Variants in KLF12 observed in about 807,000 individuals in gnomAD.
KLF12 encodes the protein KLF transcription factor 12, also known as Krueppel-like factor 12.
In KLF12, 9 loss-of-function variants were observed where a neutral mutation model predicts 37.8. That is an observed-to-expected ratio of 0.24 (90% CI 0.14 to 0.42). The LOEUF (loss-of-function observed/expected upper bound fraction) is 0.42, where lower values mean the gene tolerates loss of function less well. Among genes scored for constraint, KLF12 ranks in the 10% least tolerant of loss-of-function variants. The pLI is 1.00. For missense variants in KLF12, 411 were observed against 516.0 expected (o/e 0.80, Z 1.97); for synonymous variants, 208 against 202.1 (o/e 1.03, Z -0.25).
At chr13:73,816,888 T>C (rs967805777) in intron 4 of KLF12, among the ~76,000 whole-genome samples, 2 of 152,210 alleles carry the variant, frequency 1.3e-5, no homozygotes, top group African/African-American at 4.8e-5. Flanking sequence ...CAGTGAGCCA[T>C]TTTAGACTCA....
At chr13:74,018,244 T>C (rs1465239821) in intron 1 of KLF12, among the ~76,000 whole-genome samples, 1 of 152,146 alleles carries the variant, frequency 6.6e-6, no homozygotes, top group Non-Finnish European at 1.5e-5. Flanking sequence ...CACTCACATG[T>C]GGAATCTTAA....
At chr13:74,130,393 G>A (rs1267625223) in intron 1 of KLF12, among the ~76,000 whole-genome samples, 3 of 152,282 alleles carry the variant, frequency 2.0e-5, no homozygotes, top group Admixed American at 1.3e-4. Flanking sequence ...CTTGTAGCCA[G>A]CGCAGTCGCT....
At chr13:74,228,812 C>CT in the KLF12 span, among the ~76,000 whole-genome samples, 2 of 135,266 alleles carry the variant, frequency 1.5e-5, no homozygotes, top group Admixed American at 6.9e-5. Flanking sequence ...ATGTATTTTT[C>CT]TTTAAAAAAA....
intron 6 of KLF12, among the ~76,000 whole-genome samples, chr13:73,730,611 G>A (rs950578032): frequency 1.8e-4 from 28 of 152,214 alleles, no homozygotes; most frequent in African/African-American, 6.0e-4. Context: ...TGGGAGTCAA[G>A]GGAGGGGGTG....
chr13:73,853,262 A>G (rs2138740025), intron 3 of KLF12, among the ~76,000 whole-genome samples: 1 of 152,296 alleles, frequency 6.6e-6, no homozygotes, highest in South Asian at 2.1e-4. Context: ...ACTTCCTAAT[A>G]GTTATATTTT....
At chr13:73,888,608 T>C in intron 3 of KLF12, among the ~76,000 whole-genome samples, 1 of 152,186 alleles carries the variant, frequency 6.6e-6, no homozygotes, top group Non-Finnish European at 1.5e-5. Flanking sequence ...AAAAACAATA[T>C]GGTAAGTAAT....
At chr13:73,765,136 G>C (rs1879827442) in intron 5 of KLF12, 136 bp from the exon 6 acceptor site, 2 of 578,444 alleles carry the variant, frequency 3.5e-6, no homozygotes. Flanking sequence ...ACCCCTCTTA[G>C]TAAATGATGC....
chr13:74,242,223 GA>G, the KLF12 span, among the ~76,000 whole-genome samples: 1 of 152,182 alleles, frequency 6.6e-6, no homozygotes, highest in Non-Finnish European at 1.5e-5. Flanking sequence ...ACATGTCCCT[GA>G]ATTTTCTTTG....
intron 1 of KLF12, among the ~76,000 whole-genome samples, chr13:74,117,676 T>C (rs1877388156): frequency 6.6e-6 from 1 of 152,152 alleles, no homozygotes; most frequent in Non-Finnish European, 1.5e-5. Flanking sequence ...CTTGTGGATA[T>C]CATGATATGA....
At chr13:74,027,964 C>G (rs1391110284) in intron 1 of KLF12, among the ~76,000 whole-genome samples, 1 of 152,068 alleles carries the variant, frequency 6.6e-6, no homozygotes, top group African/African-American at 2.4e-5. Context: ...TTATTTCTGT[C>G]CCTTGTAAAG....
chr13:74,150,044 T>C, the KLF12 span, among the ~76,000 whole-genome samples: 1 of 152,242 alleles, frequency 6.6e-6, no homozygotes, highest in African/African-American at 2.4e-5. Context: ...TTTCTCTCTG[T>C]ACATTAACAT....
the KLF12 span, among the ~76,000 whole-genome samples, chr13:74,212,259 A>T: frequency 0.032 from 4,825 of 152,300 alleles, 116 homozygotes; most frequent in Middle Eastern, 0.071. Context: ...AATATAATTT[A>T]ATTATATCAT....
intron 3 of KLF12, among the ~76,000 whole-genome samples, chr13:73,867,094 G>A (rs947243337): frequency 6.6e-6 from 1 of 152,024 alleles, no homozygotes; most frequent in Non-Finnish European, 1.5e-5. Context: ...AAAGCATACA[G>A]TGTGATGGTA....
At chr13:74,198,254 C>A in the KLF12 span, among the ~76,000 whole-genome samples, 3 of 152,022 alleles carry the variant, frequency 2.0e-5, no homozygotes, top group Non-Finnish European at 4.4e-5. Context: ...AGGCTAAAAC[C>A]CTGGGGTATG....
upstream of KLF12, among the ~76,000 whole-genome samples, chr13:74,136,447 G>A (rs1437370180): frequency 6.6e-6 from 1 of 152,202 alleles, no homozygotes; most frequent in Non-Finnish European, 1.5e-5. Context: ...GAATCACTGT[G>A]AAGTTTCCCT....
Position 73,688,479 on chromosome 13 carries a change from T to C in KLF12, c.*7011A>G, listed in dbSNP as rs895427268. 6.6e-6 allele frequency: 1 copy of C among 152,158 alleles called. No homozygotes were observed. The highest frequency in any genetic ancestry group is 2.4e-5 in the African/African-American group (1 of 41,444). 9.4% of individuals were successfully genotyped at this position (152,158 alleles called of 1,614,324 possible). ...CATGGGGGTGAAAATTTCAAATGCATCTGAAGCAGATTCTAGAATGTCTAT... is the reference window on the plus strand; with the variant it reads ...CATGGGGGTGAAAATTTCAAATGCACCTGAAGCAGATTCTAGAATGTCTAT... On this transcript the variant is annotated 3_prime_UTR_variant, in exon 8 of 8. Transcript: ENST00000377669.
At chr13:73,781,402 G>T (rs960788792) in intron 5 of KLF12, among the ~76,000 whole-genome samples, 7 of 152,022 alleles carry the variant, frequency 4.6e-5, no homozygotes, top group Non-Finnish European at 1.0e-4. Context: ...TTATTTTTTT[G>T]TAACTTTTCT....
At chr13:74,052,269 T>C (rs990422818) in intron 1 of KLF12, among the ~76,000 whole-genome samples, 10 of 152,052 alleles carry the variant, frequency 6.6e-5, no homozygotes, top group Admixed American at 4.6e-4. Context: ...ATCAGAAACA[T>C]TGTGCACATT....
chr13:74,251,161 G>GT, the KLF12 span, among the ~76,000 whole-genome samples: 262 of 151,442 alleles, frequency 1.7e-3, no homozygotes, highest in African/African-American at 4.9e-3. Flanking sequence ...CTCTTTTTTT[G>GT]TTTTTTTTGA....
Sources: allele counts gnomAD v4.1 joint callset (sites outside exome capture counted in the v4.1 genomes callset), GRCh38; gene constraint gnomAD v4.1.1; transcripts MANE v1.5; gene names NCBI Gene and HGNC (gene_info 2026-07-23, HGNC 2026-07-21).